Variants in GDPD4 observed in about 807,000 individuals in gnomAD.
GDPD4 encodes the protein glycerophosphodiester phosphodiesterase 6.
In GDPD4, 60 loss-of-function variants were observed where a neutral mutation model predicts 67.8. The observed-to-expected ratio is 0.88, with a 90% CI of 0.72 to 1.10. GDPD4 has a LOEUF of 1.10. GDPD4 is among the 50% of genes least tolerant of loss of function. The pLI, the probability that GDPD4 is intolerant of heterozygous loss-of-function variation, is 0.00. For synonymous variants in GDPD4, 212 were observed against 210.9 expected (o/e 1.00, Z -0.04); for missense variants, 623 against 613.9 (o/e 1.01, Z -0.16).
chr11:77,220,535 T>A (rs1958206422), intron 16 of GDPD4, among the ~76,000 whole-genome samples: 1 of 152,232 alleles, frequency 6.6e-6, no homozygotes, highest in African/African-American at 2.4e-5. Context: ...TGAACCAGCC[T>A]TGCATCCCAG....
chr11:77,235,171 A>G (rs1958537700), intron 13 of GDPD4, among the ~76,000 whole-genome samples: 1 of 151,908 alleles, frequency 6.6e-6, no homozygotes, highest in Non-Finnish European at 1.5e-5. Context: ...TCTTCTTTTG[A>G]GAAGTGTCTG....
At position 77,277,417 on chromosome 11, in the gene GDPD4, T is replaced by TTTTC. The variant is rs1959528292; in HGVS notation, c.148-1198_148-1197insGAAA. Among the ~76,000 whole-genome samples the TTTTC allele has an allele frequency of 2.9e-5, 4 of 139,278 alleles. No individual in the cohort carries two copies. In the Admixed American group the frequency reaches 2.9e-4, roughly 10 times the overall value. The allele number at this position is 139,278 out of a possible 152,430, so 91.4% of individuals were successfully genotyped here. A position where few individuals can be genotyped will look rare whatever the true frequency, so the allele number is the denominator to read the frequency against. The stretch of plus-strand genomic sequence containing the variant: ...TTTTTTTTTTTTTTTTTTTTTTTTT[T>TTTTC]TGAGACAGAGTCTCGCTCTGTCGTC... On this transcript the variant is annotated intron_variant, in intron 4 of 16. Coordinates refer to ENST00000315938, the MANE Select transcript of GDPD4 (RefSeq NM_182833.3).
intron 7 of GDPD4, among the ~76,000 whole-genome samples, chr11:77,270,354 TG>T (rs1480966660): frequency 6.6e-6 from 1 of 152,228 alleles, no homozygotes; most frequent in African/African-American, 2.4e-5. Context: ...AGGTATGACA[TG>T]GTCTCACAGG....
intron 11 of GDPD4, among the ~76,000 whole-genome samples, chr11:77,253,398 C>T (rs928638506): frequency 6.6e-6 from 1 of 152,090 alleles, no homozygotes; most frequent in African/African-American, 2.4e-5. Flanking sequence ...AGTGCAGCAG[C>T]CAAGTACCCC....
At chr11:77,279,536 C>CTTTTTTTTTTTTTTTT in intron 3 of GDPD4, 137 bp from the exon 4 acceptor site, 3 of 525,324 alleles carry the variant, frequency 5.7e-6, no homozygotes, top group South Asian at 2.3e-5. Flanking sequence ...TGAACAGCAG[C>CTTTTTTTTTTTTTTTT]TTTTGCGGAT....
intron 1 of GDPD4, among the ~76,000 whole-genome samples, chr11:77,288,045 C>T (rs963023476): frequency 7.2e-5 from 11 of 152,324 alleles, no homozygotes; most frequent in African/African-American, 2.6e-4. Flanking sequence ...GCACCTACCA[C>T]AACCTGCACC....
intron 15 of GDPD4, among the ~76,000 whole-genome samples, chr11:77,228,856 A>G (rs1958398690): frequency 6.6e-6 from 1 of 152,178 alleles, no homozygotes; most frequent in South Asian, 2.1e-4. Context: ...AGGTGGAGGC[A>G]CTTGTTCTGG....
At position 77,271,123 on chromosome 11, in the gene GDPD4, G is replaced by T; in HGVS notation, c.400+7C>A. On this transcript the variant is annotated splice_region_variant and intron_variant, in intron 7 of 16. Transcript: ENST00000315938. ...AAATAGGCAGGGTTCTGCCCTATGT[G>T]ACATACCTTCTCTTTCCAAACATGC... The T allele has an allele frequency of 1.3e-6, 2 of 1,587,194 alleles. No homozygotes were observed. Among genetic ancestry groups the T allele is most frequent in the South Asian group, 1.1e-5 (1 of 89,990 alleles).
chr11:77,281,692 A>G (rs1215807380), intron 3 of GDPD4, among the ~76,000 whole-genome samples: 2 of 152,202 alleles, frequency 1.3e-5, no homozygotes, highest in Non-Finnish European at 2.9e-5. Flanking sequence ...GTAATCTCGT[A>G]AACACAACAC....
intron 13 of GDPD4, among the ~76,000 whole-genome samples, chr11:77,233,620 G>A (rs1958497735): frequency 6.6e-6 from 1 of 152,054 alleles, no homozygotes. Flanking sequence ...AGCTGGCTCT[G>A]GCATGCTACT....
Position 77,269,045 on chromosome 11 carries a change from G to T in GDPD4, c.503C>A (p.Pro168His). The T allele has an allele frequency of 6.2e-7, 1 of 1,613,830 alleles. No homozygotes were observed. Among genetic ancestry groups the T allele is most frequent in the East Asian group, 2.2e-5 (1 of 44,866 alleles). ...GAGACCTAAAAGGATAAGAAGAAAGGGTAATCCAACAGGCACTTGTAGACC... is the reference window on the plus strand; with the variant it reads ...GAGACCTAAAAGGATAAGAAGAAAGTGTAATCCAACAGGCACTTGTAGACC... ...LRGLQVPVGL[P>H]FLLILLGLYL... Residue 168 changes from proline to histidine, a missense_variant, in exon 9 of 17, where the codon CCC becomes CAC. Pro to His is a moderately conservative substitution (Grantham distance 77). Coordinates refer to ENST00000315938, the MANE Select transcript of GDPD4 (RefSeq NM_182833.3).
intron 5 of GDPD4, among the ~76,000 whole-genome samples, chr11:77,271,738 A>T (rs1959231935): frequency 6.6e-6 from 1 of 152,190 alleles, no homozygotes; most frequent in Non-Finnish European, 1.5e-5. Context: ...TAAATTCTTC[A>T]CCATTTCTTT....
chr11:77,284,094 C>A (rs1959883166), intron 3 of GDPD4, among the ~76,000 whole-genome samples: 1 of 152,016 alleles, frequency 6.6e-6, no homozygotes, highest in Admixed American at 6.6e-5. Context: ...GGAATCTATT[C>A]TAGGAACATT....
At chr11:77,272,346 C>T (rs1456442350) in intron 5 of GDPD4, among the ~76,000 whole-genome samples, 4 of 152,064 alleles carry the variant, frequency 2.6e-5, no homozygotes, top group African/African-American at 9.7e-5. Context: ...TTTTAAACAA[C>T]CTATTAGGAA....
chr11:77,261,191 A>T (rs948045135), intron 10 of GDPD4, among the ~76,000 whole-genome samples: 1 of 151,908 alleles, frequency 6.6e-6, no homozygotes, highest in Non-Finnish European at 1.5e-5. Context: ...AATATGTCAG[A>T]TTGCCACTGC....
chr11:77,257,489 G>A (rs989686428), intron 11 of GDPD4, among the ~76,000 whole-genome samples: 8 of 143,938 alleles, frequency 5.6e-5, no homozygotes, highest in Non-Finnish European at 1.1e-4. Flanking sequence ...CCAATCTATC[G>A]CTCATCTACT....
chr11:77,246,792 TAC>T (rs1445189025), intron 11 of GDPD4, among the ~76,000 whole-genome samples: 1 of 152,192 alleles, frequency 6.6e-6, no homozygotes, highest in Non-Finnish European at 1.5e-5. Flanking sequence ...GGAACTGTCA[TAC>T]ATTCTTTGAA....
intron 16 of GDPD4, among the ~76,000 whole-genome samples, chr11:77,221,392 CACTGCTTT>C (rs1958221350): frequency 6.6e-6 from 1 of 152,230 alleles, no homozygotes; most frequent in African/African-American, 2.4e-5. Context: ...TCCCTCTACA[CACTGCTTT>C]ACATGTGTCC....
rs914847793 is a variant in GDPD4, at chr11:77,276,301, T to G, written c.148-81A>C. 6 of 1,036,724 alleles carry G rather than the reference T, an allele frequency of 5.8e-6. No individual in the cohort carries two copies. The African/African-American group carries it at 9.4e-5, about 16-fold the overall frequency. The allele number at this position is 1,036,724 out of a possible 1,614,324, so 64.2% of individuals were successfully genotyped here. A position where few individuals can be genotyped will look rare whatever the true frequency, so the allele number is the denominator to read the frequency against. The stretch of plus-strand genomic sequence containing the variant: ...AAAGCACTGTTCCTATAGCTCCAAA[T>G]TCCGTTCACAGTCTAGCAGTACACT... On this transcript the variant is annotated intron_variant, in intron 4 of 16. Transcript: ENST00000315938.
Sources: allele counts gnomAD v4.1 joint callset (sites outside exome capture counted in the v4.1 genomes callset), GRCh38; gene constraint gnomAD v4.1.1; transcripts MANE v1.5; gene names NCBI Gene and HGNC (gene_info 2026-07-23, HGNC 2026-07-21).